The following CACNA2D3 variants were observed in gnomAD, a reference collection of about 807,000 sequenced individuals.
The protein encoded by CACNA2D3 is voltage-dependent calcium channel subunit alpha-2/delta-3.
Under a neutral mutation model 160.6 loss-of-function variants are expected in CACNA2D3, and 60 were observed. The observed-to-expected ratio is 0.37, with a 90% CI of 0.30 to 0.46. The LOEUF is 0.46. Among genes scored for constraint, CACNA2D3 ranks in the 20% least tolerant of loss-of-function variants. The pLI is 1.00. For synonymous variants in CACNA2D3, 558 were observed against 492.9 expected, an observed-to-expected ratio of 1.13 and a Z score of -1.75; for missense variants, 1,205 against 1,365.0, an observed-to-expected ratio of 0.88 and a Z score of 1.85.
chr3:54,506,449 C>T (rs1026832899), intron 5 of CACNA2D3, among the ~76,000 whole-genome samples: 1 of 152,156 alleles, frequency 6.6e-6, no homozygotes, highest in African/African-American at 2.4e-5. Flanking sequence ...ATTTTTAGTT[C>T]TAGATGAAAC....
chr3:54,410,093 G>A (rs555359580), intron 4 of CACNA2D3, among the ~76,000 whole-genome samples: 23 of 152,282 alleles, frequency 1.5e-4, no homozygotes, highest in African/African-American at 5.1e-4. Flanking sequence ...GCTCACACCT[G>A]TAATCCTAGC....
At chr3:54,265,560 AGTGTGTATATATATAGT>A (rs1335046287) in intron 2 of CACNA2D3, among the ~76,000 whole-genome samples, 1,148 of 76,480 alleles carry the variant, frequency 0.015, 13 homozygotes, top group Middle Eastern at 0.038. Flanking sequence ...GTGTGTGTAT[AGTGTGTATATATATAGT>A]GTGTGTATAT....
intron 14 of CACNA2D3, among the ~76,000 whole-genome samples, chr3:54,820,362 T>C (rs1703563466): frequency 6.6e-6 from 1 of 152,244 alleles, no homozygotes; most frequent in Non-Finnish European, 1.5e-5. Flanking sequence ...GTTATGGTTT[T>C]CATGATTCTA....
chr3:54,495,948 T>C (rs1701196274), intron 4 of CACNA2D3, among the ~76,000 whole-genome samples: 1 of 152,244 alleles, frequency 6.6e-6, no homozygotes, highest in African/African-American at 2.4e-5. Flanking sequence ...TTTCTTTTAC[T>C]CAGAATGTTT....
At chr3:54,402,008 A>G (rs1304364248) in intron 4 of CACNA2D3, among the ~76,000 whole-genome samples, 1 of 152,194 alleles carries the variant, frequency 6.6e-6, no homozygotes, top group Non-Finnish European at 1.5e-5. Context: ...GGGAGAGGGC[A>G]AAAGTCAAGA....
intron 3 of CACNA2D3, among the ~76,000 whole-genome samples, chr3:54,380,786 C>A (rs2106644552): frequency 6.6e-6 from 1 of 152,254 alleles, no homozygotes; most frequent in African/African-American, 2.4e-5. Flanking sequence ...TTCAACCATG[C>A]CGCTCTGGGT....
intron 11 of CACNA2D3, among the ~76,000 whole-genome samples, chr3:54,681,382 CAAAAAAAAA>C (rs565556596): frequency 1.6e-5 from 1 of 62,096 alleles, no homozygotes; most frequent in African/African-American, 8.1e-5. Flanking sequence ...ACTAAAAATA[CAAAAAAAAA>C]AAAAAAAAAA....
At chr3:54,423,068 T>C (rs1200958546) in intron 4 of CACNA2D3, among the ~76,000 whole-genome samples, 1 of 152,160 alleles carries the variant, frequency 6.6e-6, no homozygotes, top group African/African-American at 2.4e-5. Flanking sequence ...TCAGAATTAT[T>C]TGTACAATAT....
intron 3 of CACNA2D3, among the ~76,000 whole-genome samples, chr3:54,354,256 G>C (rs181033827): frequency 2.0e-4 from 31 of 152,202 alleles, no homozygotes; most frequent in Middle Eastern, 6.8e-3. Context: ...CCCTCACACA[G>C]GGAATTAAGG....
intron 35 of CACNA2D3, among the ~76,000 whole-genome samples, chr3:55,057,107 C>A (rs375561897): frequency 5.3e-5 from 8 of 152,200 alleles, no homozygotes; most frequent in African/African-American, 1.7e-4. Context: ...GGGGGTAGGT[C>A]TTTCCTGTGC....
intron 2 of CACNA2D3, among the ~76,000 whole-genome samples, chr3:54,191,167 G>C (rs949475185): frequency 6.6e-6 from 1 of 152,074 alleles, no homozygotes; most frequent in Non-Finnish European, 1.5e-5. Flanking sequence ...CCTGCTCCGG[G>C]GAAATGGAGG....
intron 8 of CACNA2D3, among the ~76,000 whole-genome samples, chr3:54,580,560 G>A (rs1055523667): frequency 5.9e-5 from 9 of 152,188 alleles, no homozygotes; most frequent in East Asian, 1.9e-4. Flanking sequence ...CAGGAGCTCC[G>A]GGCCTCTTTG....
At chr3:54,417,443 A>T (rs911439661) in intron 4 of CACNA2D3, among the ~76,000 whole-genome samples, 2 of 152,162 alleles carry the variant, frequency 1.3e-5, no homozygotes, top group Non-Finnish European at 2.9e-5. Context: ...ACGAGTTGGG[A>T]CTAGTTTATT....
At chr3:54,550,582 T>C (rs926414275) in intron 5 of CACNA2D3, among the ~76,000 whole-genome samples, 4 of 152,198 alleles carry the variant, frequency 2.6e-5, no homozygotes, top group Non-Finnish European at 4.4e-5. Flanking sequence ...CTTGAAGGGA[T>C]TGCATTTTGA....
chr3:54,122,682 C>G lies in CACNA2D3; in HGVS notation c.-32C>G, dbSNP rs1427226183. On this transcript the variant is annotated 5_prime_UTR_variant, in exon 1 of 38. Transcript: ENST00000474759. ...AGCTCCCCGCGGCCGCTCTCGTCGC[C>G]GCCGCAGCGGGCGCGTCGGAGGGAG... 2 of 1,085,718 alleles carry G rather than the reference C, an allele frequency of 1.8e-6. No individual in the cohort carries two copies. The highest frequency in any genetic ancestry group is 3.4e-5 in the African/African-American group (2 of 59,176). 67.3% of individuals were successfully genotyped at this position (1,085,718 alleles called of 1,614,324 possible). A position where few individuals can be genotyped will look rare whatever the true frequency, so the allele number is the denominator to read the frequency against.
intron 2 of CACNA2D3, among the ~76,000 whole-genome samples, chr3:54,289,512 C>A (rs1176197355): frequency 1.3e-5 from 2 of 150,990 alleles, no homozygotes; most frequent in African/African-American, 2.4e-5. Context: ...AATGCCATCC[C>A]CATCAAGCTA....
In CACNA2D3 at chr3:54,607,047, G is replaced by A. The variant is rs142012183; in HGVS notation, c.964-20740G>A. ...TGAAGTTGAAAATCTTTTCCATGTA[G>A]TCCTTCGAGCCAGAGAAGCAGTAAG... On this transcript the variant is annotated intron_variant, in intron 9 of 37. Coordinates refer to ENST00000474759, the MANE Select transcript of CACNA2D3 (RefSeq NM_018398.3). Among the ~76,000 whole-genome samples, 12 of 152,196 alleles carry A rather than the reference G, an allele frequency of 7.9e-5. 1 individual carries two copies. Among genetic ancestry groups the A allele is most frequent in the Middle Eastern group, 3.4e-3 (1 of 294 alleles).
intron 17 of CACNA2D3, among the ~76,000 whole-genome samples, chr3:54,867,130 C>T (rs553196529): frequency 3.3e-5 from 5 of 152,278 alleles, no homozygotes; most frequent in Admixed American, 6.5e-5. Flanking sequence ...GCTTAGGCCC[C>T]GGTAACCAAC....
chr3:54,646,184 C>CTTCCT (rs1699642192), intron 11 of CACNA2D3, among the ~76,000 whole-genome samples: 43 of 14,904 alleles, frequency 2.9e-3, no homozygotes, highest in African/African-American at 7.8e-3. Flanking sequence ...CCCTCCCTCC[C>CTTCCT]TCCTTCCTTG....
Sources: gnomAD v4.1 joint callset for allele counts (sites outside exome capture counted in the v4.1 genomes callset) on GRCh38, gnomAD v4.1.1 for gene constraint, MANE v1.5 for transcripts, NCBI Gene and HGNC (gene_info 2026-07-23, HGNC 2026-07-21) for gene names.